The following DAG1 variants were observed in gnomAD, a reference collection of about 807,000 sequenced individuals.
DAG1 encodes the protein dystroglycan 1 (dystrophin-associated glycoprotein 1).
A neutral mutation model predicts 46.1 loss-of-function variants in DAG1; 8 were observed. That is an observed-to-expected ratio of 0.17 (90% CI 0.10 to 0.31). The LOEUF (loss-of-function observed/expected upper bound fraction) is 0.31, where lower values mean the gene tolerates loss of function less well. Among genes scored for constraint, DAG1 ranks in the 10% least tolerant of loss-of-function variants. DAG1 has a pLI of 1.00. For synonymous variants in DAG1, 495 were observed against 481.8 expected (o/e 1.03, Z -0.36); for missense variants, 1,003 against 1,189.9 (o/e 0.84, Z 2.31).
chr3:49,505,353 G>A (rs951782790), intron 1 of DAG1, among the ~76,000 whole-genome samples: 1 of 151,972 alleles, frequency 6.6e-6, no homozygotes, highest in East Asian at 1.9e-4. Flanking sequence ...AGCCTCTTGC[G>A]TAGCTGGGAT....
chr3:49,534,170 C>T lies in DAG1; in HGVS notation c.*971C>T, dbSNP rs1030689706. 6.6e-6 allele frequency: 1 copy of T among 152,444 alleles called. No individual in the cohort carries two copies. The highest frequency in any genetic ancestry group is 2.4e-5 in the African/African-American group (1 of 41,416). 9.4% of individuals were successfully genotyped at this position (152,444 alleles called of 1,614,324 possible). On this transcript the variant is annotated 3_prime_UTR_variant, in exon 3 of 3. Transcript: ENST00000308775. ...CACCACATCAACCTATTTTGTTTTA[C>T]CCTTTTTCTGTGCATTGTTTTTTTT...
intron 1 of DAG1, among the ~76,000 whole-genome samples, chr3:49,508,194 CTTTT>C (rs11344604): frequency 5.4e-5 from 4 of 73,568 alleles, no homozygotes; most frequent in Middle Eastern, 7.7e-3. Context: ...GTTTATTTTG[CTTTT>C]TTTTTTTTTT....
Position 49,531,982 on chromosome 3 carries a change from G to A in DAG1, c.1471G>A (p.Gly491Arg), listed in dbSNP as rs199728911. Reference sequence around the variant, plus strand: ...CACCACCAGTGGAGTGCCCCGTGGCGGAGAACCCAACCAGCGCCCAGAGCT... The same window carrying A: ...CACCACCAGTGGAGTGCCCCGTGGCAGAGAACCCAACCAGCGCCCAGAGCT... ...RTTTSGVPRG[G>R]EPNQRPELKN... Residue 491 changes from glycine (G) to arginine (R), a missense_variant, in exon 3 of 3, where the codon GGA becomes AGA. Around this residue, in one of 3 missense-constraint regions of DAG1, gnomAD observed 755 missense variants for 854.1 expected, o/e 0.88. Transcript: ENST00000308775. The surrounding 1 kb of genome is among the most constrained non-coding windows in gnomAD (Gnocchi z 7.0). 44 of 1,614,166 alleles carry A rather than the reference G, an allele frequency of 2.7e-5. 1 individual carries two copies. In the East Asian group the frequency reaches 5.1e-4, roughly 19 times the overall value.
In DAG1 at chr3:49,531,981, C is replaced by G; in HGVS notation, c.1470C>G (p.Gly490=). 1 of 1,614,194 alleles carries G rather than the reference C, an allele frequency of 6.2e-7. No homozygotes were observed. The highest frequency in any genetic ancestry group is 8.5e-7 in the Non-Finnish European group (1 of 1,180,038). ...IRTTTSGVPR[G]GEPNQRPELK... ...CCACCACCAGTGGAGTGCCCCGTGG[C>G]GGAGAACCCAACCAGCGCCCAGAGC... The change falls in exon 3 of 3, where the codon GGC becomes GGG. Residue 490 remains glycine (G), a synonymous_variant. Transcript: ENST00000308775. This position sits in a 1 kb window ranked among gnomAD's most constrained non-coding sequence, Gnocchi z 7.0.
At chr3:49,480,256 A>G (rs1461690976) in intron 1 of DAG1, among the ~76,000 whole-genome samples, 1 of 133,910 alleles carries the variant, frequency 7.5e-6, no homozygotes, top group African/African-American at 2.8e-5. Flanking sequence ...CTGGTCATGA[A>G]TATAACATTT....
chr3:49,510,599 T>C lies in DAG1; in HGVS notation c.65T>C (p.Leu22Pro). Residue 22 changes from leucine to proline, a missense_variant, in exon 2 of 3, where the codon CTC (leucine) becomes CCC (proline). Coordinates refer to ENST00000308775, the MANE Select transcript of DAG1 (RefSeq NM_004393.6). ...TCGGGGAGGACCTTTCTCCTCCTGC[T>C]CTCTGTGGTTATGGCTCAGTCCCAC... ...PLSGRTFLLL[L>P]SVVMAQSHWP... 2.5e-6 allele frequency: 4 copies of C among 1,614,080 alleles called. No homozygotes were observed. The highest frequency in any genetic ancestry group is 3.4e-6 in the Non-Finnish European group (4 of 1,180,006).
intron 1 of DAG1, among the ~76,000 whole-genome samples, chr3:49,471,543 T>C (rs7613491): frequency 0.2 from 30,010 of 152,078 alleles, 3,368 homozygotes; most frequent in Middle Eastern, 0.28. Context: ...TGTGGGTTTT[T>C]TTTGCTGTGA....
chr3:49,502,583 A>G (rs1320559449), intron 1 of DAG1, among the ~76,000 whole-genome samples: 4 of 151,910 alleles, frequency 2.6e-5, no homozygotes, highest in Admixed American at 1.3e-4. Context: ...TCTCACATTG[A>G]TGACAGGAAT....
chr3:49,512,602 G>A (rs1272943537), intron 2 of DAG1, among the ~76,000 whole-genome samples: 4 of 151,554 alleles, frequency 2.6e-5, no homozygotes, highest in South Asian at 4.2e-4. Context: ...ATGTTGGCCA[G>A]GCTGGTCTCA....
Position 49,533,239 on chromosome 3 carries a change from C to G in DAG1, c.*40C>G. The G allele has an allele frequency of 6.2e-7, 1 of 1,603,438 alleles. No homozygotes were observed. On this transcript the variant is annotated 3_prime_UTR_variant, in exon 3 of 3. Transcript: ENST00000308775. Reference sequence around the variant, plus strand: ...GGTGGAGGCAGGGTAGGGCAGGGGCCTGGAGACGACATGGTGTTGTCTGTG... The same window carrying G: ...GGTGGAGGCAGGGTAGGGCAGGGGCGTGGAGACGACATGGTGTTGTCTGTG...
At chr3:49,479,390 A>G (rs1405129038) in intron 1 of DAG1, among the ~76,000 whole-genome samples, 2 of 150,766 alleles carry the variant, frequency 1.3e-5, no homozygotes, top group African/African-American at 2.4e-5. Context: ...GCTCACTGCA[A>G]CCTCCACCTC....
intron 1 of DAG1, among the ~76,000 whole-genome samples, chr3:49,482,449 A>G (rs1304525197): frequency 1.3e-5 from 2 of 152,148 alleles, no homozygotes; most frequent in Admixed American, 6.6e-5. Flanking sequence ...CTGATTGTAC[A>G]TTTGTTCAAT....
chr3:49,486,078 C>T (rs912490542), intron 1 of DAG1, among the ~76,000 whole-genome samples: 4 of 152,172 alleles, frequency 2.6e-5, no homozygotes, highest in African/African-American at 7.2e-5. Context: ...GGAGGCACTG[C>T]TCTGGAACTG....
chr3:49,503,254 TG>T (rs1476742102), intron 1 of DAG1, among the ~76,000 whole-genome samples: 1 of 152,210 alleles, frequency 6.6e-6, no homozygotes. Context: ...TGGAACATTT[TG>T]GCCCATCTGA....
chr3:49,502,638 C>CT (rs66475946), intron 1 of DAG1, among the ~76,000 whole-genome samples: 145 of 112,658 alleles, frequency 1.3e-3, no homozygotes, highest in Middle Eastern at 4.7e-3. Flanking sequence ...CTTTAACTTT[C>CT]TTTTTTTTTT....
chr3:49,498,021 T>C (rs2050359628), intron 1 of DAG1, among the ~76,000 whole-genome samples: 1 of 152,240 alleles, frequency 6.6e-6, no homozygotes, highest in African/African-American at 2.4e-5. Context: ...ATTTTCCAAG[T>C]GAGAGAAGTG....
At chr3:49,479,128 A>G (rs1456048732) in intron 1 of DAG1, among the ~76,000 whole-genome samples, 5 of 151,494 alleles carry the variant, frequency 3.3e-5, no homozygotes, top group Non-Finnish European at 7.4e-5. Flanking sequence ...TAGGGAATAC[A>G]ACACATGGTA....
chr3:49,516,938 G>A (rs190906892), intron 2 of DAG1, among the ~76,000 whole-genome samples: 1 of 151,130 alleles, frequency 6.6e-6, no homozygotes, highest in East Asian at 1.9e-4. Context: ...TTATCTCGGA[G>A]CACATAGCTT....
intron 1 of DAG1, among the ~76,000 whole-genome samples, chr3:49,495,494 G>A (rs751546502): frequency 6.6e-6 from 1 of 152,094 alleles, no homozygotes; most frequent in Non-Finnish European, 1.5e-5. Context: ...TGCTTTAATT[G>A]CATTTTTTGA....
Sources: allele counts gnomAD v4.1 joint callset (sites outside exome capture counted in the v4.1 genomes callset), GRCh38; gene constraint gnomAD v4.1.1; regional missense constraint gnomAD v4.1.1; non-coding constraint Gnocchi (gnomAD v3.1); transcripts MANE v1.5; gene names NCBI Gene and HGNC (gene_info 2026-07-23, HGNC 2026-07-21).